CTNNA2: variants seen among roughly 807,000 people sequenced by gnomAD.
CTNNA2 encodes the protein catenin alpha 2.
In CTNNA2, 42 loss-of-function variants were observed where a neutral mutation model predicts 101.0. That is an observed-to-expected ratio of 0.42 (90% CI 0.32 to 0.54). The LOEUF is 0.54. CTNNA2 is among the 20% of genes least tolerant of loss of function. The probability of loss-of-function intolerance (pLI) is 0.14; values close to 1 mark genes in which losing one functional copy is unlikely to be tolerated. For missense variants in CTNNA2, 871 were observed against 1,223.1 expected, an observed-to-expected ratio of 0.71 and a Z score of 4.29; for synonymous variants, 450 against 456.4, an observed-to-expected ratio of 0.99 and a Z score of 0.18.
At chr2:80,567,840 C>T (rs1351510074) in intron 12 of CTNNA2, among the ~76,000 whole-genome samples, 2 of 151,956 alleles carry the variant, frequency 1.3e-5, no homozygotes, top group African/African-American at 2.4e-5. Flanking sequence ...CCATCCCTGT[C>T]GTGATATTTT....
intron 17 of CTNNA2, 189 bp from the exon 18 acceptor site, chr2:80,618,896 C>G (rs1309832489): frequency 1.0e-5 from 4 of 396,928 alleles, no homozygotes; most frequent in African/African-American, 8.2e-5. Flanking sequence ...ATCGAAATGG[C>G]CAGGCCGCTT....
chr2:79,614,999 C>A (rs2104234598), intron 1 of CTNNA2, among the ~76,000 whole-genome samples: 1 of 152,226 alleles, frequency 6.6e-6, no homozygotes, highest in African/African-American at 2.4e-5. Flanking sequence ...ATACTCTGAA[C>A]TTATGAGACT....
intron 4 of CTNNA2, among the ~76,000 whole-genome samples, chr2:79,413,708 C>T (rs1678443918): frequency 6.6e-6 from 1 of 151,970 alleles, no homozygotes; most frequent in South Asian, 2.1e-4. Context: ...CTTATCTCTA[C>T]ATCCTCACCA....
chr2:80,027,009 A>T lies in CTNNA2; in HGVS notation c.1056+117212A>T, dbSNP rs187896338. Among the ~76,000 whole-genome samples, 179 of 152,280 alleles carry T rather than the reference A, an allele frequency of 1.2e-3. 1 individual carries two copies. The highest frequency in any genetic ancestry group is 4.1e-3 in the African/African-American group (170 of 41,550). ...GTGAGGTGGGAGTAGGGCTAGGGAG[A>T]GCTGGGAGTAGTATGTATAGATGAC... On this transcript the variant is annotated intron_variant, in intron 7 of 18. Coordinates refer to ENST00000402739, the MANE Select transcript of CTNNA2 (RefSeq NM_001282597.3).
At chr2:79,520,208 C>T (rs149527310) in intron 1 of CTNNA2, among the ~76,000 whole-genome samples, 4 of 152,290 alleles carry the variant, frequency 2.6e-5, no homozygotes, top group Admixed American at 1.3e-4. Flanking sequence ...ACCAGCAGTG[C>T]GATCAAGATA....
intron 7 of CTNNA2, among the ~76,000 whole-genome samples, chr2:80,137,366 G>A (rs1310892781): frequency 6.6e-6 from 1 of 152,122 alleles, no homozygotes; most frequent in Non-Finnish European, 1.5e-5. Context: ...AAAGACATAA[G>A]AAGCTGTTTC....
chr2:79,880,704 C>G (rs954381287), intron 6 of CTNNA2, among the ~76,000 whole-genome samples: 7 of 123,084 alleles, frequency 5.7e-5, no homozygotes, highest in Non-Finnish European at 1.0e-4. Flanking sequence ...TGATTCTTCT[C>G]TCTTTTCTTC....
intron 4 of CTNNA2, among the ~76,000 whole-genome samples, chr2:79,485,913 GA>G (rs1387293555): frequency 1.3e-5 from 2 of 151,902 alleles, no homozygotes; most frequent in African/African-American, 4.8e-5. Flanking sequence ...TTTCCTTGAG[GA>G]AAAAAATATT....
intron 9 of CTNNA2, among the ~76,000 whole-genome samples, chr2:80,456,212 G>C (rs1282375143): frequency 6.6e-6 from 1 of 152,136 alleles, no homozygotes; most frequent in African/African-American, 2.4e-5. Context: ...GGAGTACCCG[G>C]GTTGTAGACC....
In CTNNA2 at chr2:79,696,858, T is replaced by G. The variant is rs991558583; in HGVS notation, c.102+45200T>G. On this transcript the variant is annotated intron_variant, in intron 2 of 18. Coordinates refer to ENST00000402739, the MANE Select transcript of CTNNA2 (RefSeq NM_001282597.3). ...TAATTTTGGCAAATCAGTATGGGTC[T>G]TTGAACTAAGAAAAGCAGGTTTCAA... is the stretch of plus-strand genomic sequence containing the variant. Among the ~76,000 whole-genome samples the G allele has an allele frequency of 3.8e-4, 58 of 152,058 alleles. 3 individuals carry two copies.
intron 2 of CTNNA2, among the ~76,000 whole-genome samples, chr2:79,723,537 G>A (rs986626724): frequency 6.6e-6 from 1 of 152,110 alleles, no homozygotes; most frequent in African/African-American, 2.4e-5. Flanking sequence ...CAGAAGTCTA[G>A]GCCTGTTTAT....
At chr2:79,681,460 C>T (rs1272305017) in intron 2 of CTNNA2, among the ~76,000 whole-genome samples, 1 of 152,154 alleles carries the variant, frequency 6.6e-6, no homozygotes, top group Non-Finnish European at 1.5e-5. Context: ...TTTCTCTTTT[C>T]TCTTTCCTGT....
intron 2 of CTNNA2, among the ~76,000 whole-genome samples, chr2:79,236,793 A>G (rs567816029): frequency 6.6e-6 from 1 of 152,198 alleles, no homozygotes; most frequent in Non-Finnish European, 1.5e-5. Flanking sequence ...AGCCCTCATC[A>G]GTTCAGGTTT....
intron 7 of CTNNA2, among the ~76,000 whole-genome samples, chr2:80,021,136 C>G (rs1412222947): frequency 1.3e-5 from 2 of 151,674 alleles, no homozygotes; most frequent in Non-Finnish European, 2.9e-5. Context: ...CCTCCCACCT[C>G]AGCCTCCTGA....
intron 7 of CTNNA2, among the ~76,000 whole-genome samples, chr2:80,381,307 C>A (rs1483072016): frequency 6.6e-6 from 1 of 151,800 alleles, no homozygotes; most frequent in Non-Finnish European, 1.5e-5. Context: ...AGGTTAGCAC[C>A]TCTAGATTGG....
intron 7 of CTNNA2, among the ~76,000 whole-genome samples, chr2:80,293,184 C>T (rs1412563063): frequency 6.6e-6 from 1 of 152,146 alleles, no homozygotes; most frequent in African/African-American, 2.4e-5. Flanking sequence ...GACAGAATTG[C>T]CTTGGCCAGC....
At chr2:80,384,308 G>A (rs920634173) in intron 7 of CTNNA2, among the ~76,000 whole-genome samples, 4 of 151,824 alleles carry the variant, frequency 2.6e-5, no homozygotes, top group South Asian at 2.1e-4. Flanking sequence ...CCTGCATGAC[G>A]GATTTGATGT....
chr2:79,272,265 G>A (rs1044616222), intron 2 of CTNNA2, among the ~76,000 whole-genome samples: 2 of 151,846 alleles, frequency 1.3e-5, no homozygotes, highest in South Asian at 4.1e-4. Context: ...CTCCAGTCTT[G>A]ATTTCACCAA....
intron 14 of CTNNA2, among the ~76,000 whole-genome samples, chr2:80,588,458 G>A (rs1696161168): frequency 6.6e-6 from 1 of 152,108 alleles, no homozygotes; most frequent in Admixed American, 6.5e-5. Context: ...TTGCTGCTCT[G>A]CCCACATTTG....
Sources: gnomAD v4.1 joint callset for allele counts (sites outside exome capture counted in the v4.1 genomes callset) on GRCh38, gnomAD v4.1.1 for gene constraint, MANE v1.5 for transcripts, NCBI Gene and HGNC (gene_info 2026-07-23, HGNC 2026-07-21) for gene names.